PKP4: variants seen among roughly 807,000 people sequenced by gnomAD.
PKP4 encodes plakophilin-4.
A neutral mutation model predicts 145.1 loss-of-function variants in PKP4; 90 were observed. The observed-to-expected ratio is 0.62, with a 90% CI of 0.52 to 0.74. PKP4 has a LOEUF of 0.74. Among genes scored for constraint, PKP4 ranks in the 30% least tolerant of loss-of-function variants. The pLI is 0.00. For missense variants in PKP4, 1,340 were observed against 1,482.7 expected (o/e 0.90, Z 1.58); for synonymous variants, 563 against 577.2 (o/e 0.98, Z 0.35).
At chr2:158,574,263 G>A (rs2047655372) in intron 2 of PKP4, among the ~76,000 whole-genome samples, 1 of 152,118 alleles carries the variant, frequency 6.6e-6, no homozygotes, top group African/African-American at 2.4e-5. Context: ...ACTGACAAGT[G>A]CTTTTAACAT....
intron 2 of PKP4, among the ~76,000 whole-genome samples, chr2:158,559,626 G>GCTTGAT (rs1306908021): frequency 1.3e-5 from 2 of 152,182 alleles, no homozygotes; most frequent in African/African-American, 4.8e-5. Flanking sequence ...ATGGAAGTAA[G>GCTTGAT]CTTGATCTTT....
At chr2:158,505,548 T>C (rs2040893376) in intron 1 of PKP4, among the ~76,000 whole-genome samples, 1 of 152,152 alleles carries the variant, frequency 6.6e-6, no homozygotes. Flanking sequence ...AAGTCTCTTC[T>C]GTACTCATGT....
chr2:158,566,775 A>G (rs1313549285), intron 2 of PKP4, among the ~76,000 whole-genome samples: 1 of 152,230 alleles, frequency 6.6e-6, no homozygotes, highest in African/African-American at 2.4e-5. Flanking sequence ...AATTTTAAAC[A>G]TAAATTAATA....
chr2:158,676,702 T>TAC, intron 19 of PKP4, 37 bp from the exon 20 acceptor site: 2 of 1,613,160 alleles, frequency 1.2e-6, no homozygotes, highest in African/African-American at 2.7e-5. Context: ...TTTCTCTTTC[T>TAC]ACCCCTCTTT....
chr2:158,561,623 A>C (rs1451862531), intron 2 of PKP4, among the ~76,000 whole-genome samples: 1 of 152,158 alleles, frequency 6.6e-6, no homozygotes, highest in East Asian at 1.9e-4. Context: ...CTTCATATCT[A>C]ATTTAGACCA....
At chr2:158,545,901 CT>C (rs1483721692) in intron 2 of PKP4, among the ~76,000 whole-genome samples, 1 of 152,068 alleles carries the variant, frequency 6.6e-6, no homozygotes, top group Non-Finnish European at 1.5e-5. Flanking sequence ...TATACAGTGC[CT>C]TTTAAAAATA....
At chr2:158,599,020 G>A (rs1558864830) in intron 3 of PKP4, among the ~76,000 whole-genome samples, 1 of 152,184 alleles carries the variant, frequency 6.6e-6, no homozygotes, top group Non-Finnish European at 1.5e-5. Flanking sequence ...ATGTAGGTTT[G>A]TGTGGGAAAG....
chr2:158,640,775 C>A lies in PKP4; in HGVS notation c.1695+16C>A. ...GAAGATGGAGGTACAGGACATGGTG[C>A]CTGGGATGACTGGGGAAAATAATGC... On this transcript the variant is annotated intron_variant, in intron 10 of 21. Transcript: ENST00000389759. The A allele has an allele frequency of 6.2e-7, 1 of 1,613,498 alleles. No homozygotes were observed. The highest frequency in any genetic ancestry group is 8.5e-7 in the Non-Finnish European group (1 of 1,179,666).
chr2:158,584,201 T>G (rs3771623), intron 3 of PKP4, among the ~76,000 whole-genome samples: 30,366 of 152,178 alleles, frequency 0.2, 3,906 homozygotes, highest in Middle Eastern at 0.36. Flanking sequence ...GCCTGGGCGG[T>G]ATTCTGACTT....
intron 13 of PKP4, 39 bp from the exon 14 acceptor site, chr2:158,662,858 G>T: frequency 6.5e-7 from 1 of 1,543,654 alleles, no homozygotes; most frequent in Non-Finnish European, 8.8e-7. Context: ...GCTCTAATGT[G>T]CCGAGTTGTT....
At chr2:158,640,183 A>G (rs2054152595) in intron 9 of PKP4, among the ~76,000 whole-genome samples, 1 of 152,196 alleles carries the variant, frequency 6.6e-6, no homozygotes, top group African/African-American at 2.4e-5. Flanking sequence ...CAGGCCCACA[A>G]TGTTTGTGAT....
chr2:158,590,732 T>G (rs1051232955), intron 3 of PKP4, among the ~76,000 whole-genome samples: 27 of 152,136 alleles, frequency 1.8e-4, no homozygotes, highest in African/African-American at 6.5e-4. Context: ...TTAATCAGAA[T>G]AAGTCTAGAA....
chr2:158,593,548 G>A (rs1048218605), intron 3 of PKP4, among the ~76,000 whole-genome samples: 2 of 151,970 alleles, frequency 1.3e-5, no homozygotes, highest in African/African-American at 4.8e-5. Flanking sequence ...ATAGATTCAA[G>A]GCACTAACAT....
rs746429083 is a variant in PKP4, at chr2:158,666,553, G to A, written c.2718G>A (p.Lys906=). 6.2e-7 allele frequency: 1 copy of A among 1,610,100 alleles called. No individual in the cohort carries two copies. The highest frequency in any genetic ancestry group is 8.5e-7 in the Non-Finnish European group (1 of 1,178,574). The change falls in exon 16 of 22, where the codon AAG becomes AAA. Residue 906 remains lysine (K), a synonymous_variant. Coordinates refer to ENST00000389759, the MANE Select transcript of PKP4 (RefSeq NM_003628.6). ...LRNMALDVRN[K]ELIGKYAMRD... ...ATATGGCACTAGATGTTCGCAACAA[G>A]GAGCTCATAGGTATGTTCTGGTGAC...
At chr2:158,618,404 C>A (rs1471606916) in intron 4 of PKP4, among the ~76,000 whole-genome samples, 1 of 151,916 alleles carries the variant, frequency 6.6e-6, no homozygotes, top group Middle Eastern at 3.2e-3. Context: ...TCTCAGTGTC[C>A]TTTTCTAGAT....
intron 11 of PKP4, among the ~76,000 whole-genome samples, chr2:158,645,114 C>T (rs1427895038): frequency 6.6e-6 from 1 of 151,990 alleles, no homozygotes; most frequent in Non-Finnish European, 1.5e-5. Context: ...AAATAAAATA[C>T]CAAAAGTAGA....
At chr2:158,519,419 G>C (rs1011480372) in intron 1 of PKP4, among the ~76,000 whole-genome samples, 17 of 152,134 alleles carry the variant, frequency 1.1e-4, no homozygotes, top group African/African-American at 3.6e-4. Context: ...TGCTCTGTCT[G>C]AATCTCTTCT....
intron 11 of PKP4, among the ~76,000 whole-genome samples, chr2:158,654,032 A>T (rs577526231): frequency 6.6e-6 from 1 of 152,352 alleles, no homozygotes; most frequent in South Asian, 2.1e-4. Flanking sequence ...CAAATTAATC[A>T]TTTCATATCT....
intron 2 of PKP4, among the ~76,000 whole-genome samples, chr2:158,535,204 A>G (rs186612489): frequency 1.8e-4 from 28 of 152,294 alleles, no homozygotes; most frequent in Admixed American, 1.5e-3. Flanking sequence ...CTCCTGAAAT[A>G]TGTCACTTCC....
Sources: allele counts gnomAD v4.1 joint callset (sites outside exome capture counted in the v4.1 genomes callset), GRCh38; gene constraint gnomAD v4.1.1; transcripts MANE v1.5; gene names NCBI Gene and HGNC (gene_info 2026-07-23, HGNC 2026-07-21).